The following FAM131B variants were observed in gnomAD, a reference collection of about 807,000 sequenced individuals.
FAM131B encodes protein FAM131B.
Under a neutral mutation model 42.0 loss-of-function variants are expected in FAM131B, and 19 were observed. The observed-to-expected ratio is 0.45, with a 90% CI of 0.32 to 0.66. The LOEUF is 0.66. Among genes scored for constraint, FAM131B ranks in the 30% least tolerant of loss-of-function variants. The pLI is 0.05. For missense variants in FAM131B, 370 were observed against 468.4 expected (o/e 0.79, Z 1.94); for synonymous variants, 183 against 177.6 (o/e 1.03, Z -0.24).
At chr7:143,380,111 T>C in the FAM131B span, 1 of 984,486 alleles carries the variant, frequency 1.0e-6, no homozygotes, top group African/African-American at 1.8e-5. The surrounding 1 kb of genome is among the most constrained non-coding windows in gnomAD (Gnocchi z 5.0). Flanking sequence ...CAGTAAAAGC[T>C]GACAAGAGGA....
chr7:143,356,766 C>G lies in FAM131B; in HGVS notation c.867G>C (p.Pro289=). The change falls in exon 7 of 7, where the codon CCG becomes CCC. Residue 289 remains proline, a synonymous_variant. Transcript: ENST00000443739. The surrounding 1 kb of genome is among the most constrained non-coding windows in gnomAD (Gnocchi z 4.4). ...PLLGGDTDWA[P]GVGAVDLARG... Reference sequence around the variant, plus strand: ...TTGCCAGGTCCACTGCGCCTACCCCCGGAGCCCAGTCAGTGTCTCCCCCCA... The same window carrying G: ...TTGCCAGGTCCACTGCGCCTACCCCGGGAGCCCAGTCAGTGTCTCCCCCCA... The G allele has an allele frequency of 6.2e-7, 1 of 1,614,138 alleles. No individual in the cohort carries two copies. The highest frequency in any genetic ancestry group is 1.1e-5 in the South Asian group (1 of 91,084).
chr7:143,353,991 A>T lies in FAM131B; in HGVS notation c.*2559T>A, dbSNP rs1586528097. 1 of 152,416 alleles carries T rather than the reference A, an allele frequency of 6.6e-6. No individual in the cohort carries two copies. Among genetic ancestry groups the T allele is most frequent in the South Asian group, 2.1e-4 (1 of 4,802 alleles). The allele number at this position is 152,416 out of a possible 1,614,324, so 9.4% of individuals were successfully genotyped here. A position where few individuals can be genotyped will look rare whatever the true frequency, so the allele number is the denominator to read the frequency against. The stretch of plus-strand genomic sequence containing the variant: ...CAGCCTTAACCCCAAAGGAAAAGCA[A>T]CCCTTTCCCACCCCGAAACAGCCTC... On this transcript the variant is annotated 3_prime_UTR_variant, in exon 7 of 7. Coordinates refer to ENST00000443739, the MANE Select transcript of FAM131B (RefSeq NM_001031690.3).
At chr7:143,367,183 A>G (rs913302621), upstream of FAM131B, among the ~76,000 whole-genome samples, 1 of 152,180 alleles carries the variant, frequency 6.6e-6, no homozygotes, top group Non-Finnish European at 1.5e-5. Flanking sequence ...TTTGCTGAGG[A>G]AGGATGGCTC....
the FAM131B span, among the ~76,000 whole-genome samples, chr7:143,368,927 G>A: frequency 0.52 from 78,710 of 152,058 alleles, 20,979 homozygotes; most frequent in Middle Eastern, 0.62. Context: ...TTAATACATA[G>A]TGGGTAGATG....
rs189158112 is a variant in FAM131B at position 143,354,863 on chromosome 7, T to G, written c.*1687A>C. On this transcript the variant is annotated 3_prime_UTR_variant, in exon 7 of 7. Coordinates refer to ENST00000443739, the MANE Select transcript of FAM131B (RefSeq NM_001031690.3). Reference sequence around the variant, plus strand: ...TGAACTTGATGGCGGGACAGGACCATAGATGGACAGAAACACCCCAACTCT... The same window carrying G: ...TGAACTTGATGGCGGGACAGGACCAGAGATGGACAGAAACACCCCAACTCT... The G allele has an allele frequency of 1.6e-3, 246 of 152,354 alleles. No individual in the cohort carries two copies. The highest frequency in any genetic ancestry group is 5.6e-3 in the African/African-American group (234 of 41,524). 9.4% of individuals were successfully genotyped at this position (152,354 alleles called of 1,614,324 possible).
chr7:143,357,143 G>T, intron 6 of FAM131B, 121 bp from the exon 7 acceptor site: 3 of 1,130,150 alleles, frequency 2.7e-6, no homozygotes, highest in African/African-American at 1.5e-5. Flanking sequence ...GACACAGAGT[G>T]CACAGTGAGT....
chr7:143,375,821 G>C, the FAM131B span, among the ~76,000 whole-genome samples: 1 of 152,120 alleles, frequency 6.6e-6, no homozygotes, highest in Admixed American at 6.5e-5. Context: ...GCTTCCTCTG[G>C]GTGCACAGAG....
At chr7:143,372,066 G>A in the FAM131B span, among the ~76,000 whole-genome samples, 1 of 152,230 alleles carries the variant, frequency 6.6e-6, no homozygotes, top group Non-Finnish European at 1.5e-5. Context: ...AGAAGGTCTA[G>A]AAGCCTTCTG....
chr7:143,366,559 CTT>C (rs34519209), upstream of FAM131B, among the ~76,000 whole-genome samples: 21 of 138,230 alleles, frequency 1.5e-4, no homozygotes, highest in Admixed American at 7.3e-5. Context: ...GGTCTGTATT[CTT>C]TTTTTTTTTT....
chr7:143,381,882 T>A, the FAM131B span: 1 of 1,163,838 alleles, frequency 8.6e-7, no homozygotes, highest in South Asian at 1.6e-5. Flanking sequence ...CCGAGGGGGC[T>A]GGGCGCAGCC....
At chr7:143,368,721 C>T in the FAM131B span, among the ~76,000 whole-genome samples, 42 of 152,226 alleles carry the variant, frequency 2.8e-4, no homozygotes, top group Admixed American at 2.4e-3. Context: ...CAGCCTACCT[C>T]TCAGATTCCT....
chr7:143,369,122 A>G, the FAM131B span, among the ~76,000 whole-genome samples: 2 of 152,312 alleles, frequency 1.3e-5, no homozygotes, highest in South Asian at 2.1e-4. Context: ...CAGACAAGGA[A>G]AATTCACCTC....
In FAM131B at chr7:143,358,453, C is replaced by T. The variant is rs964764336; in HGVS notation, c.466+374G>A. Reference sequence around the variant, plus strand: ...GAGTCTAGTAGGCAAATTCATGACTCGAAATGCTAAAGGGCAAAGGCTAAA... The same window carrying T: ...GAGTCTAGTAGGCAAATTCATGACTTGAAATGCTAAAGGGCAAAGGCTAAA... On this transcript the variant is annotated intron_variant, in intron 5 of 6. Coordinates refer to ENST00000443739, the MANE Select transcript of FAM131B (RefSeq NM_001031690.3). The surrounding 1 kb of genome is among the most constrained non-coding windows in gnomAD (Gnocchi z 4.7). Among the ~76,000 whole-genome samples, 1 of 152,116 alleles carries T rather than the reference C, an allele frequency of 6.6e-6. No homozygotes were observed. The highest frequency in any genetic ancestry group is 2.4e-5 in the African/African-American group (1 of 41,400).
the FAM131B span, chr7:143,380,929 T>C: frequency 2.4e-6 from 1 of 410,412 alleles, no homozygotes; most frequent in African/African-American, 2.2e-5. This position sits in a 1 kb window ranked among gnomAD's most constrained non-coding sequence, Gnocchi z 5.0. Flanking sequence ...GCACAGGGGC[T>C]GCGTGGCTAC....
In FAM131B at chr7:143,359,027, A is replaced by G. The variant is rs773075614; in HGVS notation, c.269-3T>C. The G allele has an allele frequency of 5.0e-6, 8 of 1,612,950 alleles. No homozygotes were observed. Among genetic ancestry groups the G allele is most frequent in the South Asian group, 3.3e-5 (3 of 90,990 alleles). Reference sequence around the variant, plus strand: ...GTCCTTCATGCTCCGTGAGATCCCTATGGGGCCAGACATTTCCCACATCCT... The same window carrying G: ...GTCCTTCATGCTCCGTGAGATCCCTGTGGGGCCAGACATTTCCCACATCCT... On this transcript the variant is annotated splice_polypyrimidine_tract_variant and splice_region_variant and intron_variant, in intron 4 of 6. Transcript: ENST00000443739. The surrounding 1 kb of genome is among the most constrained non-coding windows in gnomAD (Gnocchi z 5.4).
chr7:143,379,432 G>A, the FAM131B span, among the ~76,000 whole-genome samples: 3 of 152,346 alleles, frequency 2.0e-5, no homozygotes, highest in East Asian at 5.8e-4. Context: ...AGAAATACTG[G>A]TGGTGACAAA....
chr7:143,373,945 A>T, the FAM131B span, among the ~76,000 whole-genome samples: 1 of 152,120 alleles, frequency 6.6e-6, no homozygotes. Flanking sequence ...GGAAGAGCAG[A>T]TGTGCCTTGC....
upstream of FAM131B, among the ~76,000 whole-genome samples, chr7:143,363,508 C>T (rs1804092823): frequency 6.6e-6 from 1 of 152,094 alleles, no homozygotes; most frequent in Non-Finnish European, 1.5e-5. Flanking sequence ...CAAGGCGGTC[C>T]CGAAGCAGCA....
At chr7:143,361,584 G>A (rs1803982799) in intron 1 of FAM131B, 1 of 151,350 alleles carries the variant, frequency 6.6e-6, no homozygotes, top group East Asian at 2.0e-4. Flanking sequence ...AGGTCACCGG[G>A]AGGTGTAGGC....
Sources: allele counts gnomAD v4.1 joint callset (sites outside exome capture counted in the v4.1 genomes callset), GRCh38; gene constraint gnomAD v4.1.1; non-coding constraint Gnocchi (gnomAD v3.1); transcripts MANE v1.5; gene names NCBI Gene and HGNC (gene_info 2026-07-23, HGNC 2026-07-21).